Variants in TARS3 observed in about 807,000 individuals in gnomAD.
TARS3 encodes the protein threonine--tRNA ligase 2, cytoplasmic.
A neutral mutation model predicts 103.5 loss-of-function variants in TARS3; 94 were observed. The ratio of observed to expected loss-of-function variants is 0.91; its 90% confidence interval spans 0.77 to 1.08. The LOEUF (loss-of-function observed/expected upper bound fraction) is 1.08, where lower values mean the gene tolerates loss of function less well. Among genes scored for constraint, TARS3 ranks in the 50% least tolerant of loss-of-function variants. The pLI is 0.00. For missense variants in TARS3, 952 were observed against 995.2 expected (o/e 0.96, Z 0.58); for synonymous variants, 416 against 355.4 (o/e 1.17, Z -1.92).
At chr15:101,699,002 A>C (rs1055710718) in intron 10 of TARS3, among the ~76,000 whole-genome samples, 1 of 152,170 alleles carries the variant, frequency 6.6e-6, no homozygotes, top group Non-Finnish European at 1.5e-5. Flanking sequence ...GCCCTAACCC[A>C]GTGCAATCTC....
intron 12 of TARS3, among the ~76,000 whole-genome samples, chr15:101,681,728 G>A (rs1567334364): frequency 6.6e-6 from 1 of 152,150 alleles, no homozygotes; most frequent in Non-Finnish European, 1.5e-5. Flanking sequence ...GGCACTAATC[G>A]TATCATGAGG....
At position 101,685,880 on chromosome 15, in the gene TARS3, C is replaced by T. The variant is rs914827672; in HGVS notation, c.1487+16G>A. ...TGTGCTCTCATGAAAAGGTCTGCTT[C>T]GCTTTTAATACTCACCAGTGCCCTG... is the stretch of plus-strand genomic sequence containing the variant. On this transcript the variant is annotated intron_variant, in intron 11 of 18. Transcript: ENST00000335968. The T allele has an allele frequency of 1.3e-5, 21 of 1,603,968 alleles. No individual in the cohort carries two copies. Among genetic ancestry groups the T allele is most frequent in the South Asian group, 5.6e-5 (5 of 89,820 alleles).
chr15:101,702,146 ATCT>A, intron 9 of TARS3, 90 bp downstream of exon 9: 3 of 1,487,420 alleles, frequency 2.0e-6, no homozygotes, highest in Non-Finnish European at 2.8e-6. Flanking sequence ...AGAAGAAGAA[ATCT>A]TATTTTTAAA....
At chr15:101,658,680 C>T (rs1030424402) in intron 16 of TARS3, among the ~76,000 whole-genome samples, 4 of 152,156 alleles carry the variant, frequency 2.6e-5, no homozygotes, top group Non-Finnish European at 5.9e-5. Context: ...GAAATCGGAA[C>T]AAGGTTGGTG....
chr15:101,700,734 C>T (rs1899227334), intron 10 of TARS3, among the ~76,000 whole-genome samples: 1 of 151,832 alleles, frequency 6.6e-6, no homozygotes, highest in Non-Finnish European at 1.5e-5. Context: ...AACTCTGCCT[C>T]CCGGGTTCAA....
intron 7 of TARS3, among the ~76,000 whole-genome samples, chr15:101,704,574 G>A (rs1436016680): frequency 6.6e-6 from 1 of 151,424 alleles, no homozygotes; most frequent in East Asian, 1.9e-4. Flanking sequence ...AGAATCACTT[G>A]AACCTGGGAG....
At position 101,708,819 on chromosome 15, in the gene TARS3, T is replaced by C; in HGVS notation, c.904A>G (p.Lys302Glu). The change falls in exon 6 of 19, where the codon AAG (lysine) becomes GAG (glutamate). Residue 302 changes from lysine (K) to glutamate (E), a missense_variant. Coordinates refer to ENST00000335968, the MANE Select transcript of TARS3 (RefSeq NM_152334.3). ...KQPFERLEVS[K>E]EILLEMFKYN... is the part of the protein sequence containing the mutation. The stretch of plus-strand genomic sequence containing the variant: ...TTAAACATTTCCAGGAGGATTTCCT[T>C]GCTGACTTCTAGTCTTTCAAAAGGT... The C allele has an allele frequency of 3.1e-6, 5 of 1,613,414 alleles. No homozygotes were observed. Among genetic ancestry groups the C allele is most frequent in the Admixed American group, 3.3e-5 (2 of 60,024 alleles).
chr15:101,668,227 G>C (rs1897657342), intron 15 of TARS3, among the ~76,000 whole-genome samples: 1 of 152,138 alleles, frequency 6.6e-6, no homozygotes, highest in Admixed American at 6.5e-5. Flanking sequence ...TCTAGCTTTT[G>C]ATCTAAGGTG....
rs1021448540 is a variant in TARS3, at chr15:101,708,831, G to C, written c.892C>G (p.Leu298Val). 1.2e-6 allele frequency: 2 copies of C among 1,613,830 alleles called. No individual in the cohort carries two copies. The highest frequency in any genetic ancestry group is 1.7e-6 in the Non-Finnish European group (2 of 1,179,826). ...AGGAGGATTTCCTTGCTGACTTCTA[G>C]TCTTTCAAAAGGTTGCTTTTCTTTT... The part of the protein sequence containing the change: ...IIKEKQPFER[L>V]EVSKEILLEM... Residue 298 changes from leucine to valine, a missense_variant, in exon 6 of 19, where the codon CTA (leucine) becomes GTA (valine). Leu to Val is a conservative substitution (Grantham distance 32, BLOSUM62 1). Coordinates refer to ENST00000335968, the MANE Select transcript of TARS3 (RefSeq NM_152334.3).
Position 101,701,991 on chromosome 15 carries a change from T to C in TARS3, c.1221+248A>G, listed in dbSNP as rs554768497. On this transcript the variant is annotated intron_variant, in intron 9 of 18. Coordinates refer to ENST00000335968, the MANE Select transcript of TARS3 (RefSeq NM_152334.3). The stretch of plus-strand genomic sequence containing the variant: ...TGGGGTTTCACCAAAAACAACTTTA[T>C]TTTTTATCATGACAAAAATAAGAGA... 4.8e-4 allele frequency among the ~76,000 whole-genome samples: 73 copies of C among 152,256 alleles called. 3 individuals carry two copies. In the South Asian group the frequency reaches 0.014, roughly 29 times the overall value.
intron 10 of TARS3, among the ~76,000 whole-genome samples, chr15:101,696,234 A>T (rs1898974936): frequency 7.6e-6 from 1 of 130,916 alleles, no homozygotes; most frequent in East Asian, 2.7e-4. Flanking sequence ...AAAAAAAAAA[A>T]AAAAAAGAAG....
chr15:101,664,796 AG>A, intron 15 of TARS3, among the ~76,000 whole-genome samples: 1 of 152,362 alleles, frequency 6.6e-6, no homozygotes, highest in African/African-American at 2.4e-5. Flanking sequence ...TCCAGCAGCA[AG>A]AAAACACAAA....
At chr15:101,669,160 T>C (rs2141388714) in intron 15 of TARS3, among the ~76,000 whole-genome samples, 1 of 152,258 alleles carries the variant, frequency 6.6e-6, no homozygotes, top group East Asian at 1.9e-4. Context: ...ACCTTGGCCT[T>C]GTGTAGGCCT....
rs78760194 is a variant in TARS3, at chr15:101,680,206, G to A, written c.1650+3869C>T. ...GGTACTTATTTAGAGCCTGCTGAGA[G>A]TTAAAATATAAGCTTCTCAATCAGC... is the stretch of plus-strand genomic sequence containing the variant. On this transcript the variant is annotated intron_variant, in intron 12 of 18. Transcript: ENST00000335968. Among the ~76,000 whole-genome samples the A allele has an allele frequency of 8.3e-3, 1,268 of 152,340 alleles. 49 individuals carry two copies. In the East Asian group the frequency reaches 0.13, roughly 16 times the overall value.
chr15:101,671,617 G>C, intron 14 of TARS3, 31 bp from the exon 15 acceptor site: 1 of 1,609,390 alleles, frequency 6.2e-7, no homozygotes, highest in South Asian at 1.1e-5. Context: ...GCTCAGAAAA[G>C]AGTATTTATT....
In TARS3 at chr15:101,714,895, A is replaced by C. The variant is rs758560061; in HGVS notation, c.635T>G (p.Leu212Trp). Residue 212 changes from leucine to tryptophan, a missense_variant, in exon 4 of 19, where the codon TTG (leucine) becomes TGG (tryptophan). Around this residue, in one of 2 missense-constraint regions of TARS3, gnomAD observed 412 missense variants for 364.2 expected, o/e 1.13. Transcript: ENST00000335968. ...CAGCTCTAGAGAAGAGTCCCCTTCC[A>C]ATGGGCGGTCCAGGTCCCACAGTTC... ...NGELWDLDRPLEGDSSLELLT... is the reference protein window; with the variant it reads ...NGELWDLDRPWEGDSSLELLT... 2 of 1,613,398 alleles carry C rather than the reference A, an allele frequency of 1.2e-6. No individual in the cohort carries two copies. The highest frequency in any genetic ancestry group is 1.7e-6 in the Non-Finnish European group (2 of 1,179,584).
At chr15:101,693,058 T>C (rs1011714733) in intron 10 of TARS3, among the ~76,000 whole-genome samples, 5 of 152,200 alleles carry the variant, frequency 3.3e-5, no homozygotes, top group Admixed American at 3.3e-4. Flanking sequence ...ATGCAAAAGG[T>C]GTGACTGAGA....
At chr15:101,671,217 G>T (rs1473667363) in intron 15 of TARS3, among the ~76,000 whole-genome samples, 1 of 152,092 alleles carries the variant, frequency 6.6e-6, no homozygotes, top group Non-Finnish European at 1.5e-5. Flanking sequence ...TCTTCCCCCT[G>T]TAACTCAGGG....
At chr15:101,659,444 C>T (rs1352504850) in intron 16 of TARS3, among the ~76,000 whole-genome samples, 1 of 152,206 alleles carries the variant, frequency 6.6e-6, no homozygotes, top group African/African-American at 2.4e-5. Context: ...CAAGGACCCA[C>T]ACTTTAGCCA....
Sources: allele counts gnomAD v4.1 joint callset (sites outside exome capture counted in the v4.1 genomes callset), GRCh38; gene constraint gnomAD v4.1.1; regional missense constraint gnomAD v4.1.1; transcripts MANE v1.5; gene names NCBI Gene and HGNC (gene_info 2026-07-23, HGNC 2026-07-21).